Variants in BLACAT1 observed in about 807,000 individuals in gnomAD.
BLACAT1 encodes the protein BLACAT1 overlapping LEMD1 locus.
At chr1:205,451,489 C>A (rs532015154) in intron 1 of BLACAT1, among the ~76,000 whole-genome samples, 3 of 152,178 alleles carry the variant, frequency 2.0e-5, no homozygotes, top group Non-Finnish European at 4.4e-5. Flanking sequence ...GACAGCCACC[C>A]GCCCTGCTTG....
At position 205,448,067 on chromosome 1, in the gene BLACAT1, T is replaced by C. The variant is rs1666432930; in HGVS notation, c.-36-7005A>G. ...CAGAAAGCTCAGCACACCCTGAAGG[T>C]CTCCTTCCTTCCTCAGAGGGAATCT... On this transcript the variant is annotated intron_variant, in intron 1 of 1. Coordinates refer to ENST00000629624, the Ensembl canonical transcript of BLACAT1. The surrounding 1 kb of genome is among the most constrained non-coding windows in gnomAD (Gnocchi z 4.7). Among the ~76,000 whole-genome samples, 2 of 152,008 alleles carry C rather than the reference T, an allele frequency of 1.3e-5. No homozygotes were observed. The highest frequency in any genetic ancestry group is 4.2e-4 in the South Asian group (2 of 4,814).
downstream of BLACAT1, among the ~76,000 whole-genome samples, chr1:205,438,360 GGA>G (rs1379220808): frequency 6.6e-6 from 1 of 152,246 alleles, no homozygotes; most frequent in African/African-American, 2.4e-5. Flanking sequence ...AGAGAACCAT[GGA>G]GAGAGGATGG....
At chr1:205,451,291 T>G (rs1666493821) in intron 1 of BLACAT1, among the ~76,000 whole-genome samples, 2 of 152,054 alleles carry the variant, frequency 1.3e-5, no homozygotes, top group Non-Finnish European at 2.9e-5. Flanking sequence ...GCCTTGCCCA[T>G]CCCCCACACC....
At chr1:205,443,563 C>CGA (rs904173975) in intron 1 of BLACAT1, among the ~76,000 whole-genome samples, 34 of 152,098 alleles carry the variant, frequency 2.2e-4, no homozygotes, top group African/African-American at 8.2e-4. Flanking sequence ...GAGAGGTGTT[C>CGA]GAGGGCTGGC....
rs969517102 is a variant in BLACAT1, at chr1:205,451,563, CG to C, written c.-37+4353del. 2.7e-5 allele frequency among the ~76,000 whole-genome samples: 4 copies of C among 149,858 alleles called. No individual in the cohort carries two copies. The South Asian group carries it at 8.6e-4, about 32-fold the overall frequency. ...TGTGGCAGGAGTTGGGGGGAGTGGTCGGGGGGGTAACCAAGAGGGAATAAAA... is the reference window on the plus strand; with the variant it reads ...TGTGGCAGGAGTTGGGGGGAGTGGTCGGGGGGTAACCAAGAGGGAATAAAA... On this transcript the variant is annotated intron_variant, in intron 1 of 1. Transcript: ENST00000629624.
exon 2 of BLACAT1, among the ~76,000 whole-genome samples, chr1:205,440,253 G>A (rs1158085757): frequency 6.6e-6 from 1 of 152,188 alleles, no homozygotes; most frequent in Non-Finnish European, 1.5e-5. Flanking sequence ...GAACACGGGT[G>A]GGTCAGGGCC....
Position 205,441,323 on chromosome 1 carries a change from G to C in BLACAT1, c.-36-261C>G, listed in dbSNP as rs916013561. On this transcript the variant is annotated intron_variant, in intron 1 of 1. Coordinates refer to ENST00000629624, the Ensembl canonical transcript of BLACAT1. This position sits in a 1 kb window ranked among gnomAD's most constrained non-coding sequence, Gnocchi z 4.3. The stretch of plus-strand genomic sequence containing the variant: ...GACAGGGTGAGTCCAAGGGAGGAAA[G>C]AGAATGCCCAGCTGCTGCCTCCTTT... Among the ~76,000 whole-genome samples, 28 of 152,202 alleles carry C rather than the reference G, an allele frequency of 1.8e-4. No individual in the cohort carries two copies. The highest frequency in any genetic ancestry group is 6.5e-4 in the African/African-American group (27 of 41,442).
exon 1 of BLACAT1, chr1:205,456,043 T>G (rs1666561256): frequency 6.6e-6 from 1 of 152,154 alleles, no homozygotes; most frequent in African/African-American, 2.4e-5. Context: ...TAGCTTCCAG[T>G]GGAGAAAAAT....
At chr1:205,440,047 C>T (rs563487668) in exon 2 of BLACAT1, among the ~76,000 whole-genome samples, 84 of 152,144 alleles carry the variant, frequency 5.5e-4, no homozygotes, top group Non-Finnish European at 9.4e-4. Context: ...CACATATGAA[C>T]GCAGTCCCCT....
Position 205,444,380 on chromosome 1 carries a change from C to T in BLACAT1, c.-36-3318G>A, listed in dbSNP as rs191383694. ...CTGGGGGCACAGACGATGCCCTGCCCAGCCAGCTTTGTGGGAGCCAAGCAG... is the reference window on the plus strand; with the variant it reads ...CTGGGGGCACAGACGATGCCCTGCCTAGCCAGCTTTGTGGGAGCCAAGCAG... On this transcript the variant is annotated intron_variant, in intron 1 of 1. Transcript: ENST00000629624. Among the ~76,000 whole-genome samples, 48 of 152,182 alleles carry T rather than the reference C, an allele frequency of 3.2e-4. 1 individual carries two copies. The highest frequency in any genetic ancestry group is 3.4e-3 in the Middle Eastern group (1 of 292).
intron 1 of BLACAT1, among the ~76,000 whole-genome samples, chr1:205,454,059 T>C (rs953803356): frequency 6.6e-6 from 1 of 152,030 alleles, no homozygotes; most frequent in Admixed American, 6.5e-5. Flanking sequence ...GGAGTACCTC[T>C]TGGAGGAGGA....
At position 205,450,333 on chromosome 1, in the gene BLACAT1, C is replaced by T. The variant is rs535935889; in HGVS notation, c.-37+5584G>A. On this transcript the variant is annotated intron_variant, in intron 1 of 1. Transcript: ENST00000629624. This position sits in a 1 kb window ranked among gnomAD's most constrained non-coding sequence, Gnocchi z 4.4. ...AGAGGGGCTGTTTGGTCCCTCCCTC[C>T]CTCCCCATCTCCTTTCTCTCCTTCC... 2.0e-5 allele frequency among the ~76,000 whole-genome samples: 3 copies of T among 151,680 alleles called. No homozygotes were observed. The South Asian group carries it at 6.3e-4, about 32-fold the overall frequency.
At chr1:205,452,338 G>A (rs1666508732) in intron 1 of BLACAT1, among the ~76,000 whole-genome samples, 1 of 152,178 alleles carries the variant, frequency 6.6e-6, no homozygotes, top group Non-Finnish European at 1.5e-5. Flanking sequence ...GGCTAAGCCA[G>A]GAGGAGAACT....
chr1:205,438,231 G>A (rs1000835813), downstream of BLACAT1, among the ~76,000 whole-genome samples: 5 of 152,216 alleles, frequency 3.3e-5, no homozygotes, highest in Non-Finnish European at 7.3e-5. Flanking sequence ...TCTGCAAGGA[G>A]GAATCAGTGC....
chr1:205,446,059 G>A (rs1036852602), intron 1 of BLACAT1, among the ~76,000 whole-genome samples: 4 of 152,206 alleles, frequency 2.6e-5, no homozygotes, highest in African/African-American at 9.6e-5. Flanking sequence ...AGATTGCTGG[G>A]AATAAAGTTT....
At chr1:205,440,666 G>A (rs1666278104) in exon 2 of BLACAT1, 1 of 152,490 alleles carries the variant, frequency 6.6e-6, no homozygotes. Context: ...GCATGCGGCA[G>A]GTCCTGGGGT....
At chr1:205,451,720 GA>G (rs1362289442) in intron 1 of BLACAT1, among the ~76,000 whole-genome samples, 4 of 151,810 alleles carry the variant, frequency 2.6e-5, no homozygotes, top group Non-Finnish European at 5.9e-5. Flanking sequence ...CTCAATGGGA[GA>G]AAAAAGGCGA....
At chr1:205,445,352 C>A (rs1341925518) in intron 1 of BLACAT1, among the ~76,000 whole-genome samples, 1 of 152,224 alleles carries the variant, frequency 6.6e-6, no homozygotes, top group East Asian at 1.9e-4. Flanking sequence ...GGACTTCTTC[C>A]CGGAGTTGGC....
chr1:205,455,822 G>C (rs1246384722), intron 1 of BLACAT1, 95 bp downstream of exon 1: 1 of 152,192 alleles, frequency 6.6e-6, no homozygotes, highest in Non-Finnish European at 1.5e-5. Context: ...GGGCGGGGAG[G>C]AAAGTCCCCC....
Sources: allele counts gnomAD v4.1 joint callset (sites outside exome capture counted in the v4.1 genomes callset), GRCh38; gene constraint gnomAD v4.1.1; non-coding constraint Gnocchi (gnomAD v3.1); transcripts MANE v1.5; gene names NCBI Gene and HGNC (gene_info 2026-07-23, HGNC 2026-07-21).